KCNIP4: variants seen among roughly 807,000 people sequenced by gnomAD.
KCNIP4 encodes the protein Kv channel-interacting protein 4.
In KCNIP4, 12 loss-of-function variants were observed where a neutral mutation model predicts 34.0. The ratio of observed to expected loss-of-function variants is 0.35; its 90% confidence interval spans 0.23 to 0.57. KCNIP4 has a LOEUF of 0.57. Among genes scored for constraint, KCNIP4 ranks in the 20% least tolerant of loss-of-function variants. The pLI is 0.83. For missense variants in KCNIP4, 238 were observed against 311.7 expected (o/e 0.76, Z 1.78); for synonymous variants, 124 against 102.2 (o/e 1.21, Z -1.29).
At chr4:21,214,652 C>T (rs947751301) in intron 1 of KCNIP4, among the ~76,000 whole-genome samples, 8 of 152,224 alleles carry the variant, frequency 5.3e-5, no homozygotes, top group Non-Finnish European at 1.2e-4. Context: ...AATCTTACTT[C>T]TGTTGATTTA....
intron 1 of KCNIP4, among the ~76,000 whole-genome samples, chr4:20,912,731 A>G (rs1481604458): frequency 1.3e-5 from 2 of 152,208 alleles, no homozygotes; most frequent in African/African-American, 4.8e-5. Flanking sequence ...AGAAATTTGA[A>G]TAGGTTTATC....
chr4:20,771,077 T>A (rs1487600677), intron 3 of KCNIP4, among the ~76,000 whole-genome samples: 1 of 152,214 alleles, frequency 6.6e-6, no homozygotes. Context: ...ATGTAAATAC[T>A]ACACCATTTC....
chr4:21,884,240 T>C (rs1417513864), intron 1 of KCNIP4, among the ~76,000 whole-genome samples: 1 of 152,126 alleles, frequency 6.6e-6, no homozygotes, highest in Non-Finnish European at 1.5e-5. Context: ...GGTGACAGGC[T>C]ACTATGCAAC....
intron 1 of KCNIP4, among the ~76,000 whole-genome samples, chr4:21,537,636 A>G (rs1408938228): frequency 1.3e-5 from 2 of 152,286 alleles, no homozygotes; most frequent in Admixed American, 6.5e-5. Context: ...GTCTTTGCAA[A>G]TATAATCAAG....
intron 1 of KCNIP4, among the ~76,000 whole-genome samples, chr4:21,701,615 G>C (rs1712848008): frequency 6.6e-6 from 1 of 152,086 alleles, no homozygotes; most frequent in African/African-American, 2.4e-5. Flanking sequence ...AGAATCAAAA[G>C]ATCTGCTTTA....
chr4:21,468,162 G>A (rs17464007), intron 1 of KCNIP4, among the ~76,000 whole-genome samples: 29,543 of 152,004 alleles, frequency 0.19, 3,422 homozygotes, highest in Non-Finnish European at 0.27. Flanking sequence ...CAGATATAAA[G>A]TCAAAAAGAG....
At chr4:21,817,654 C>G (rs1197472021) in intron 1 of KCNIP4, among the ~76,000 whole-genome samples, 1 of 152,050 alleles carries the variant, frequency 6.6e-6, no homozygotes, top group Non-Finnish European at 1.5e-5. Flanking sequence ...TGCGGGAGGT[C>G]TATAAACGGC....
chr4:20,842,438 G>T (rs78716841), intron 3 of KCNIP4, among the ~76,000 whole-genome samples: 203 of 152,128 alleles, frequency 1.3e-3, no homozygotes, highest in African/African-American at 4.7e-3. Flanking sequence ...AGCAGAAGAT[G>T]GTTGGTCAAG....
At chr4:21,091,450 G>A (rs987446140) in intron 1 of KCNIP4, among the ~76,000 whole-genome samples, 3 of 152,138 alleles carry the variant, frequency 2.0e-5, no homozygotes, top group African/African-American at 7.2e-5. Flanking sequence ...CATACCTAAC[G>A]AATGAAAAGA....
intron 1 of KCNIP4, among the ~76,000 whole-genome samples, chr4:20,883,021 T>A (rs1229562445): frequency 6.6e-6 from 1 of 151,246 alleles, no homozygotes; most frequent in Admixed American, 6.6e-5. Context: ...TTTTTTTTTT[T>A]TTTTTTGGCC....
At chr4:21,459,061 T>C (rs976246994) in intron 1 of KCNIP4, among the ~76,000 whole-genome samples, 12 of 150,166 alleles carry the variant, frequency 8.0e-5, no homozygotes, top group Non-Finnish European at 1.5e-4. Context: ...CTTTTAACCA[T>C]CATCATCATT....
intron 1 of KCNIP4, among the ~76,000 whole-genome samples, chr4:21,801,307 A>G (rs1468600042): frequency 6.6e-6 from 1 of 152,220 alleles, no homozygotes; most frequent in African/African-American, 2.4e-5. Context: ...GCTGCAGTAG[A>G]CAAGACCCCG....
chr4:21,589,242 A>ATATGTATC (rs1741951720), intron 1 of KCNIP4, among the ~76,000 whole-genome samples: 1 of 90,866 alleles, frequency 1.1e-5, no homozygotes, highest in African/African-American at 5.3e-5. Flanking sequence ...ACAGATACAT[A>ATATGTATC]TATACATATA....
Position 21,361,692 on chromosome 4 carries a change from C to CT in KCNIP4, c.62-478984dup, listed in dbSNP as rs74773577. Among the ~76,000 whole-genome samples, 1,477 of 149,842 alleles carry CT rather than the reference C, an allele frequency of 9.9e-3. 26 individuals carry two copies. Among genetic ancestry groups the CT allele is most frequent in the South Asian group, 0.036 (169 of 4,692 alleles). ...TCAGATTGTTTTTTTTTTCATTCTC[C>CT]TTTTTTTTTCCCATAGCAACTAAAT... On this transcript the variant is annotated intron_variant, in intron 1 of 8. Transcript: ENST00000382152.
chr4:21,211,839 A>G (rs1241140155), intron 1 of KCNIP4, among the ~76,000 whole-genome samples: 1 of 151,882 alleles, frequency 6.6e-6, no homozygotes, highest in Admixed American at 6.6e-5. Context: ...TCAGGGCATA[A>G]ATAGTAGAGT....
intron 1 of KCNIP4, among the ~76,000 whole-genome samples, chr4:21,757,232 A>G (rs2109159204): frequency 3.9e-5 from 1 of 25,532 alleles, no homozygotes; most frequent in African/African-American, 2.9e-4. Flanking sequence ...AGAAAGAAAG[A>G]AAGAAAGAAA....
intron 1 of KCNIP4, among the ~76,000 whole-genome samples, chr4:21,444,694 C>A (rs1482539563): frequency 1.3e-5 from 2 of 152,166 alleles, no homozygotes; most frequent in Non-Finnish European, 2.9e-5. Flanking sequence ...AAACTGGAAG[C>A]ATTCCCTTTG....
At chr4:20,784,315 A>G (rs988386725) in intron 3 of KCNIP4, among the ~76,000 whole-genome samples, 3 of 152,206 alleles carry the variant, frequency 2.0e-5, no homozygotes, top group Admixed American at 6.5e-5. Context: ...TCACAGAACA[A>G]GAGGAGAGGC....
intron 1 of KCNIP4, among the ~76,000 whole-genome samples, chr4:21,490,414 C>A (rs907549026): frequency 1.3e-5 from 2 of 152,054 alleles, no homozygotes; most frequent in Admixed American, 1.3e-4. Flanking sequence ...ATTGCATCCT[C>A]GACCCCAAGA....
Sources: allele counts gnomAD v4.1 joint callset (sites outside exome capture counted in the v4.1 genomes callset), GRCh38; gene constraint gnomAD v4.1.1; transcripts MANE v1.5; gene names NCBI Gene and HGNC (gene_info 2026-07-23, HGNC 2026-07-21).